Variants in SLC6A11 observed in about 807,000 individuals in gnomAD.
SLC6A11 encodes the protein solute carrier family 6 member 11, also known as sodium- and chloride-dependent GABA transporter 3.
Under a neutral mutation model 74.8 loss-of-function variants are expected in SLC6A11, and 25 were observed. The ratio of observed to expected loss-of-function variants is 0.33; its 90% CI spans 0.24 to 0.47. The LOEUF (loss-of-function observed/expected upper bound fraction) is 0.47. Among genes scored for constraint, SLC6A11 ranks in the 20% least tolerant of loss-of-function variants. The pLI is 1.00. For synonymous variants in SLC6A11, 330 were observed against 330.2 expected (o/e 1.00, Z 0.01); for missense variants, 574 against 837.0 (o/e 0.69, Z 3.88).
rs987229319 is a variant in SLC6A11 at position 10,836,017 on chromosome 3, C to T, written c.624-8197C>T. 1.3e-5 allele frequency among the ~76,000 whole-genome samples: 2 copies of T among 152,190 alleles called. 1 individual carries two copies. The highest frequency in any genetic ancestry group is 4.1e-4 in the South Asian group (2 of 4,832). On this transcript the variant is annotated intron_variant, in intron 4 of 13. Coordinates refer to ENST00000254488, the MANE Select transcript of SLC6A11 (RefSeq NM_014229.3). ...AAATAAGAGCTCTCTGCCCATTCAC[C>T]ATTAATCTCCATTCCCACCTCCAAG...
At chr3:10,880,032 C>G (rs573497856) in intron 6 of SLC6A11, among the ~76,000 whole-genome samples, 145 of 152,182 alleles carry the variant, frequency 9.5e-4, no homozygotes, top group Admixed American at 3.5e-3. Flanking sequence ...AAATGTAGTG[C>G]AGGTGGAAGG....
chr3:10,920,832 C>T (rs1374158277), intron 8 of SLC6A11, among the ~76,000 whole-genome samples: 2 of 152,162 alleles, frequency 1.3e-5, no homozygotes, highest in Admixed American at 1.3e-4. Context: ...TTTTGTGTTG[C>T]TGTTGGCATC....
At chr3:10,867,714 G>C (rs879521764) in intron 5 of SLC6A11, among the ~76,000 whole-genome samples, 2 of 152,204 alleles carry the variant, frequency 1.3e-5, no homozygotes, top group African/African-American at 2.4e-5. Flanking sequence ...CATGAACCCA[G>C]ACTGCAGAGC....
intron 5 of SLC6A11, among the ~76,000 whole-genome samples, chr3:10,855,973 G>A (rs11919120): frequency 0.033 from 5,050 of 152,164 alleles, 214 homozygotes; most frequent in South Asian, 0.1. Context: ...TTTATTCTTA[G>A]TGTGAGCCAC....
At position 10,833,559 on chromosome 3, in the gene SLC6A11, G is replaced by A. The variant is rs117360652; in HGVS notation, c.623+10167G>A. On this transcript the variant is annotated intron_variant, in intron 4 of 13. Transcript: ENST00000254488. ...GGATCAAGGTTCTGCTTGTATGCAC[G>A]GTTGTTGAAATGCTATTTAAAAGTG... Among the ~76,000 whole-genome samples, 955 of 152,254 alleles carry A rather than the reference G, an allele frequency of 6.3e-3. 45 individuals are homozygous for A. The South Asian group carries it at 0.098, about 16-fold the overall frequency.
At chr3:10,819,377 G>C in intron 1 of SLC6A11, 88 bp from the exon 2 acceptor site, 3 of 1,313,368 alleles carry the variant, frequency 2.3e-6, no homozygotes, top group Non-Finnish European at 3.2e-6. Flanking sequence ...ATCATGTCTG[G>C]CCTGTAGTAG....
intron 4 of SLC6A11, chr3:10,825,329 A>G (rs1414305465): frequency 6.6e-6 from 1 of 152,020 alleles, no homozygotes; most frequent in African/African-American, 2.4e-5. Context: ...TTAAATTCAC[A>G]TTTCTCTAAT....
At chr3:10,884,554 C>G (rs1695020333) in intron 6 of SLC6A11, among the ~76,000 whole-genome samples, 1 of 152,184 alleles carries the variant, frequency 6.6e-6, no homozygotes, top group African/African-American at 2.4e-5. Flanking sequence ...AGCAGCTGAA[C>G]CCAGGTGAGT....
intron 4 of SLC6A11, among the ~76,000 whole-genome samples, chr3:10,829,340 A>G (rs990707502): frequency 5.9e-5 from 9 of 152,182 alleles, no homozygotes; most frequent in African/African-American, 2.2e-4. Context: ...TTCCAGCCTC[A>G]TCTCTACAGG....
At chr3:10,884,924 A>G (rs569016545) in intron 6 of SLC6A11, among the ~76,000 whole-genome samples, 4 of 152,312 alleles carry the variant, frequency 2.6e-5, no homozygotes, top group African/African-American at 7.2e-5. Flanking sequence ...TTAGTTTGTC[A>G]GTCCCCCACT....
chr3:10,900,540 G>A (rs567537731), intron 6 of SLC6A11, among the ~76,000 whole-genome samples: 1 of 152,276 alleles, frequency 6.6e-6, no homozygotes, highest in South Asian at 2.1e-4. Flanking sequence ...TCACCATTGT[G>A]GCTGTTTTCT....
At chr3:10,898,556 CACA>C (rs1165143494) in intron 6 of SLC6A11, among the ~76,000 whole-genome samples, 2 of 152,226 alleles carry the variant, frequency 1.3e-5, no homozygotes, top group South Asian at 2.1e-4. Flanking sequence ...TTTGCTAAAA[CACA>C]ACAAGAGTCA....
At chr3:10,920,484 T>A (rs185468394) in intron 8 of SLC6A11, among the ~76,000 whole-genome samples, 1 of 152,316 alleles carries the variant, frequency 6.6e-6, no homozygotes, top group East Asian at 1.9e-4. Context: ...TAAAAATAGA[T>A]TGCTATCATT....
chr3:10,897,131 A>C (rs1016530021), intron 6 of SLC6A11, among the ~76,000 whole-genome samples: 1 of 152,184 alleles, frequency 6.6e-6, no homozygotes, highest in Non-Finnish European at 1.5e-5. Flanking sequence ...AACTGCCCCC[A>C]TGATTCAATT....
At chr3:10,868,611 C>G (rs1043096203) in intron 5 of SLC6A11, among the ~76,000 whole-genome samples, 1 of 152,232 alleles carries the variant, frequency 6.6e-6, no homozygotes, top group Non-Finnish European at 1.5e-5. Context: ...AGGGTTCTGA[C>G]AGATTAGACC....
At chr3:10,826,495 G>T (rs1694211582) in intron 4 of SLC6A11, among the ~76,000 whole-genome samples, 1 of 152,174 alleles carries the variant, frequency 6.6e-6, no homozygotes, top group African/African-American at 2.4e-5. Context: ...AGTTACTGTT[G>T]TTTTTGCACC....
At chr3:10,905,360 A>G (rs1032572704) in intron 6 of SLC6A11, among the ~76,000 whole-genome samples, 6 of 152,222 alleles carry the variant, frequency 3.9e-5, no homozygotes, top group African/African-American at 1.4e-4. Flanking sequence ...TTCCCAAGCA[A>G]ACCTCCAGTT....
At chr3:10,900,918 A>G (rs1474777770) in intron 6 of SLC6A11, among the ~76,000 whole-genome samples, 1 of 152,130 alleles carries the variant, frequency 6.6e-6, no homozygotes, top group Non-Finnish European at 1.5e-5. Context: ...CTGCTGGCCC[A>G]GGGTCATTTA....
At chr3:10,819,126 C>A (rs561733745) in intron 1 of SLC6A11, among the ~76,000 whole-genome samples, 11 of 152,152 alleles carry the variant, frequency 7.2e-5, no homozygotes, top group Non-Finnish European at 1.5e-4. Context: ...ATTTGACCCA[C>A]GCTGGAGGAT....
Sources: allele counts gnomAD v4.1 joint callset (sites outside exome capture counted in the v4.1 genomes callset), GRCh38; gene constraint gnomAD v4.1.1; transcripts MANE v1.5; gene names NCBI Gene and HGNC (gene_info 2026-07-23, HGNC 2026-07-21).